MARCHF1: variants seen among roughly 807,000 people sequenced by gnomAD.
MARCHF1 encodes E3 ubiquitin-protein ligase MARCHF1.
In MARCHF1, 40 loss-of-function variants were observed where a neutral mutation model predicts 54.2. That is an observed-to-expected ratio of 0.74 (90% CI 0.57 to 0.96). The LOEUF (loss-of-function observed/expected upper bound fraction) is 0.96. MARCHF1 is among the 40% of genes least tolerant of loss of function. The probability of loss-of-function intolerance (pLI) is 0.00; values close to 1 mark genes in which losing one functional copy is unlikely to be tolerated. For synonymous variants in MARCHF1, 236 were observed against 236.3 expected (o/e 1.00, Z 0.01); for missense variants, 586 against 656.5 (o/e 0.89, Z 1.17).
In MARCHF1 at chr4:164,379,079, C is replaced by T. The variant is rs116678372; in HGVS notation, c.-323+4791G>A. Among the ~76,000 whole-genome samples the T allele has an allele frequency of 7.2e-3, 1,094 of 152,088 alleles. 13 individuals carry two copies. Among genetic ancestry groups the T allele is most frequent in the African/African-American group, 0.025 (1,029 of 41,474 alleles). On this transcript the variant is annotated intron_variant, in intron 1 of 9. Transcript: ENST00000514618. ...TAAAGATATGCTGAAAAGAGGCTCA[C>T]GGCAATACAGCTGACATTAGCAGAC...
intron 1 of MARCHF1, among the ~76,000 whole-genome samples, chr4:164,369,347 G>T (rs192685231): frequency 2.2e-4 from 34 of 152,246 alleles, no homozygotes; most frequent in African/African-American, 7.2e-4. Context: ...TTGAAAAGAC[G>T]ATAAGACAAT....
chr4:163,931,983 G>A lies in MARCHF1; in HGVS notation c.-39+56518C>T, dbSNP rs374230480. On this transcript the variant is annotated intron_variant, in intron 3 of 9. Coordinates refer to ENST00000514618, the MANE Select transcript of MARCHF1 (RefSeq NM_001394959.1). ...AATAAAGCTAATATTGCAATAAAGTGAGTCACATTTTGTTTTGTTTCCCAA... is the reference window on the plus strand; with the variant it reads ...AATAAAGCTAATATTGCAATAAAGTAAGTCACATTTTGTTTTGTTTCCCAA... Among the ~76,000 whole-genome samples, 47 of 152,216 alleles carry A rather than the reference G, an allele frequency of 3.1e-4. 2 individuals are homozygous for A. The highest frequency in any genetic ancestry group is 1.0e-3 in the African/African-American group (42 of 41,534).
At chr4:163,984,504 G>T (rs1752823622) in intron 3 of MARCHF1, among the ~76,000 whole-genome samples, 1 of 152,132 alleles carries the variant, frequency 6.6e-6, no homozygotes, top group African/African-American at 2.4e-5. Flanking sequence ...GCAGGTGCCA[G>T]AAACAGCCTT....
At chr4:164,205,441 G>A (rs1035587130) in intron 1 of MARCHF1, among the ~76,000 whole-genome samples, 3 of 152,092 alleles carry the variant, frequency 2.0e-5, no homozygotes, top group African/African-American at 4.8e-5. Context: ...AAACTCCAGC[G>A]CAAACTCGCT....
At chr4:164,248,736 G>T (rs1409890027) in intron 1 of MARCHF1, among the ~76,000 whole-genome samples, 1 of 151,662 alleles carries the variant, frequency 6.6e-6, no homozygotes, top group Non-Finnish European at 1.5e-5. Context: ...GAAAACAATT[G>T]TTAAAAAAAT....
intron 9 of MARCHF1, among the ~76,000 whole-genome samples, chr4:163,537,391 A>G (rs966071885): frequency 1.3e-5 from 2 of 152,216 alleles, no homozygotes; most frequent in Non-Finnish European, 2.9e-5. Context: ...TTCCCTGGGG[A>G]TCCTATGTAC....
In MARCHF1 at chr4:163,906,369, T is replaced by C. The variant is rs550667695; in HGVS notation, c.-38-52200A>G. On this transcript the variant is annotated intron_variant, in intron 3 of 9. Coordinates refer to ENST00000514618, the MANE Select transcript of MARCHF1 (RefSeq NM_001394959.1). Reference sequence around the variant, plus strand: ...ATTCACCTTGAGGATGCTGTAATACTGCTCAGGTTGAAGGGGAAGAAAAGA... The same window carrying C: ...ATTCACCTTGAGGATGCTGTAATACCGCTCAGGTTGAAGGGGAAGAAAAGA... Among the ~76,000 whole-genome samples the C allele has an allele frequency of 2.6e-5, 4 of 152,122 alleles. No individual in the cohort carries two copies. The South Asian group carries it at 8.3e-4, about 32-fold the overall frequency.
At chr4:163,566,142 T>C (rs963647922) in intron 8 of MARCHF1, among the ~76,000 whole-genome samples, 3 of 152,204 alleles carry the variant, frequency 2.0e-5, no homozygotes, top group African/African-American at 7.2e-5. Flanking sequence ...AGCTTAGATT[T>C]TTCTTTTATA....
chr4:163,803,466 C>T (rs72685629), intron 4 of MARCHF1, among the ~76,000 whole-genome samples: 8,620 of 149,256 alleles, frequency 0.058, 292 homozygotes, highest in South Asian at 0.09. Flanking sequence ...AGCCACTGCC[C>T]GGCTGTAAAA....
intron 1 of MARCHF1, among the ~76,000 whole-genome samples, chr4:164,183,836 A>G (rs1239579990): frequency 6.6e-6 from 1 of 152,204 alleles, no homozygotes; most frequent in East Asian, 1.9e-4. Context: ...TAACAGGGAC[A>G]TTTAATCAAG....
chr4:163,986,039 A>G (rs1190150474), intron 3 of MARCHF1, among the ~76,000 whole-genome samples: 1 of 152,008 alleles, frequency 6.6e-6, no homozygotes, highest in Non-Finnish European at 1.5e-5. Context: ...TAGTTAGCTT[A>G]TCAAAACAAG....
intron 1 of MARCHF1, among the ~76,000 whole-genome samples, chr4:164,137,476 C>A (rs1270662403): frequency 2.0e-5 from 3 of 151,934 alleles, no homozygotes; most frequent in Non-Finnish European, 4.4e-5. Flanking sequence ...TTTTAAATAG[C>A]AGTAAGGAAA....
intron 2 of MARCHF1, among the ~76,000 whole-genome samples, chr4:164,060,118 ATTG>A (rs1205503358): frequency 2.6e-5 from 4 of 152,090 alleles, no homozygotes; most frequent in Admixed American, 6.6e-5. Flanking sequence ...AGTCTACCAA[ATTG>A]TTGTTTTGTA....
intron 2 of MARCHF1, among the ~76,000 whole-genome samples, chr4:164,098,148 C>A (rs75248233): frequency 1.3e-5 from 2 of 152,014 alleles, no homozygotes; most frequent in Non-Finnish European, 2.9e-5. Context: ...TGCTCTTTCC[C>A]GCTTCACACC....
At chr4:163,935,033 C>T (rs1439763930) in intron 3 of MARCHF1, among the ~76,000 whole-genome samples, 1 of 152,082 alleles carries the variant, frequency 6.6e-6, no homozygotes, top group African/African-American at 2.4e-5. Flanking sequence ...GTTGAAATTA[C>T]CTCAACACAA....
rs749838843 is a variant in MARCHF1 at position 163,525,463 on chromosome 4, CTTTAG to C, written c.*3280_*3284del. Reference sequence around the variant, plus strand: ...GCTGTATCTCAGGTTGTTGGGCTCACTTTAGTTTAGATTTTGTTCATTTTTATTTT... The same window carrying C: ...GCTGTATCTCAGGTTGTTGGGCTCACTTTAGATTTTGTTCATTTTTATTTT... On this transcript the variant is annotated 3_prime_UTR_variant, in exon 10 of 10. Transcript: ENST00000514618. The C allele has an allele frequency of 3.3e-5, 5 of 152,100 alleles. No individual in the cohort carries two copies. The highest frequency in any genetic ancestry group is 9.7e-5 in the African/African-American group (4 of 41,434). 9.4% of individuals were successfully genotyped at this position (152,100 alleles called of 1,614,324 possible).
chr4:163,525,556 C>G lies in MARCHF1; in HGVS notation c.*3192G>C, dbSNP rs993233973. Reference sequence around the variant, plus strand: ...CTTTTTAAAAAATTGGAATTTCTTTCTTTTACAATTTAATCTTTACTCCTG... The same window carrying G: ...CTTTTTAAAAAATTGGAATTTCTTTGTTTTACAATTTAATCTTTACTCCTG... On this transcript the variant is annotated 3_prime_UTR_variant, in exon 10 of 10. Coordinates refer to ENST00000514618, the MANE Select transcript of MARCHF1 (RefSeq NM_001394959.1). The G allele has an allele frequency of 2.0e-5, 3 of 151,950 alleles. No individual in the cohort carries two copies. Among genetic ancestry groups the G allele is most frequent in the Non-Finnish European group, 2.9e-5 (2 of 67,974 alleles). The allele number at this position is 151,950 out of a possible 1,614,324, so 9.4% of individuals were successfully genotyped here.
intron 5 of MARCHF1, among the ~76,000 whole-genome samples, chr4:163,638,864 A>G (rs993840731): frequency 1.3e-5 from 2 of 152,254 alleles, no homozygotes; most frequent in Non-Finnish European, 2.9e-5. Flanking sequence ...GTCTTAGAAT[A>G]GAAATCTTGT....
chr4:163,617,541 T>C (rs1741554242), intron 5 of MARCHF1, among the ~76,000 whole-genome samples: 1 of 151,682 alleles, frequency 6.6e-6, no homozygotes, highest in African/African-American at 2.4e-5. Flanking sequence ...TTTTAAAACC[T>C]CACTTCATTC....
Sources: allele counts gnomAD v4.1 joint callset (sites outside exome capture counted in the v4.1 genomes callset), GRCh38; gene constraint gnomAD v4.1.1; transcripts MANE v1.5; gene names NCBI Gene and HGNC (gene_info 2026-07-23, HGNC 2026-07-21).